The following DROSHA variants were observed in gnomAD, a reference collection of about 807,000 sequenced individuals.
The protein encoded by DROSHA is drosha ribonuclease III.
DROSHA carries 56 observed loss-of-function variants against 181.9 expected under a neutral mutation model. The ratio of observed to expected loss-of-function variants is 0.31; its 90% CI spans 0.25 to 0.38. The LOEUF (loss-of-function observed/expected upper bound fraction) is 0.38, where lower values mean the gene tolerates loss of function less well. Ranked by LOEUF, DROSHA falls within the 10% of genes least tolerant of loss-of-function variation. The pLI is 1.00. For missense variants in DROSHA, 1,218 were observed against 1,743.5 expected (o/e 0.70, Z 5.37); for synonymous variants, 524 against 591.2 (o/e 0.89, Z 1.65).
rs1739158031 is a variant in DROSHA at position 31,515,345 on chromosome 5, C to A, written c.1058+109G>T. On this transcript the variant is annotated intron_variant, in intron 7 of 35. Coordinates refer to ENST00000344624, the MANE Select transcript of DROSHA (RefSeq NM_001382508.1). ...ATACCATGCCAAATCACCGTGTGTACTTTTGTTAAACCAGTGACTCCCAAA... is the reference window on the plus strand; with the variant it reads ...ATACCATGCCAAATCACCGTGTGTAATTTTGTTAAACCAGTGACTCCCAAA... 4.3e-6 allele frequency: 5 copies of A among 1,167,242 alleles called. No homozygotes were observed. The East Asian group carries it at 1.3e-4, about 29-fold the overall frequency. 72.3% of individuals were successfully genotyped at this position (1,167,242 alleles called of 1,614,324 possible).
rs866271845 is a variant in DROSHA, at chr5:31,421,882, A to T, written c.3420-505T>A. The T allele has an allele frequency of 1.3e-3, 127 of 96,728 alleles. 2 individuals are homozygous for T. Among genetic ancestry groups the T allele is most frequent in the Middle Eastern group, 9.7e-3 (2 of 206 alleles). The allele number at this position is 96,728 out of a possible 1,614,324, so 6.0% of individuals were successfully genotyped here. Reference sequence around the variant, plus strand: ...AAACCCCATCTCTACAAAAAAAAAAAAAAAAAAAAAAAATATATATATATA... The same window carrying T: ...AAACCCCATCTCTACAAAAAAAAAATAAAAAAAAAAAAATATATATATATA... On this transcript the variant is annotated intron_variant, in intron 29 of 35. Transcript: ENST00000344624.
At position 31,470,451 on chromosome 5, in the gene DROSHA, G is replaced by A. The variant is rs550989730; in HGVS notation, c.2241+1612C>T. Among the ~76,000 whole-genome samples, 58 of 151,248 alleles carry A rather than the reference G, an allele frequency of 3.8e-4. No individual in the cohort carries two copies. Among genetic ancestry groups the A allele is most frequent in the Admixed American group, 7.9e-4 (12 of 15,194 alleles). On this transcript the variant is annotated intron_variant, in intron 17 of 35. Transcript: ENST00000344624. The surrounding 1 kb of genome is among the most constrained non-coding windows in gnomAD (Gnocchi z 4.0). ...ATTAGTTTGGTGCAAAAATAGTTGCGGTATGGCAGACCCCCGCAACTACTT... is the reference window on the plus strand; with the variant it reads ...ATTAGTTTGGTGCAAAAATAGTTGCAGTATGGCAGACCCCCGCAACTACTT...
intron 23 of DROSHA, among the ~76,000 whole-genome samples, chr5:31,441,527 C>T (rs1328015346): frequency 1.3e-5 from 2 of 152,112 alleles, no homozygotes; most frequent in Non-Finnish European, 2.9e-5. Context: ...TCAAAAGTTC[C>T]ACAGTGGAGT....
intron 26 of DROSHA, 149 bp downstream of exon 26, chr5:31,431,427 A>G: frequency 1.6e-6 from 1 of 613,724 alleles, no homozygotes; most frequent in East Asian, 2.8e-5. Context: ...TGAAATAACT[A>G]TAATATAAGG....
At chr5:31,522,456 T>A (rs545186911) in intron 5 of DROSHA, among the ~76,000 whole-genome samples, 3 of 57,234 alleles carry the variant, frequency 5.2e-5, no homozygotes, top group African/African-American at 1.2e-4. Context: ...TCTAATATAT[T>A]TTTTTTTACC....
At chr5:31,455,682 C>T (rs1232368413) in intron 20 of DROSHA, among the ~76,000 whole-genome samples, 1 of 150,682 alleles carries the variant, frequency 6.6e-6, no homozygotes. Flanking sequence ...ACTCTGTTAC[C>T]CAGTTTGGAG....
intron 10 of DROSHA, among the ~76,000 whole-genome samples, chr5:31,505,164 T>C (rs1226109300): frequency 6.6e-6 from 1 of 152,146 alleles, no homozygotes; most frequent in African/African-American, 2.4e-5. Context: ...TTTGTTTTAG[T>C]GCCACGAACT....
chr5:31,493,067 C>T lies in DROSHA; in HGVS notation c.1842+140G>A. On this transcript the variant is annotated intron_variant, in intron 13 of 35. Coordinates refer to ENST00000344624, the MANE Select transcript of DROSHA (RefSeq NM_001382508.1). ...CACCTGATGCACTGCTGCAGACTTC[C>T]TGCAGCTCATTTACAATACAGAGGG... 4.6e-6 allele frequency: 4 copies of T among 878,830 alleles called. No homozygotes were observed. The South Asian group carries it at 6.8e-5, about 15-fold the overall frequency. The allele number at this position is 878,830 out of a possible 1,614,324, so 54.4% of individuals were successfully genotyped here. A position where few individuals can be genotyped will look rare whatever the true frequency, so the allele number is the denominator to read the frequency against.
At chr5:31,418,913 A>G (rs1369754724) in intron 30 of DROSHA, among the ~76,000 whole-genome samples, 1 of 152,186 alleles carries the variant, frequency 6.6e-6, no homozygotes, top group East Asian at 1.9e-4. Context: ...GCTGGAACTC[A>G]GAAGGGAGAC....
chr5:31,403,013 C>T (rs907113443), intron 35 of DROSHA, among the ~76,000 whole-genome samples: 1 of 152,110 alleles, frequency 6.6e-6, no homozygotes, highest in African/African-American at 2.4e-5. Flanking sequence ...AAACTCCTGG[C>T]CTCCTGCCTC....
intron 5 of DROSHA, 66 bp downstream of exon 5, chr5:31,526,013 A>G (rs1174428585): frequency 3.6e-5 from 52 of 1,450,144 alleles, no homozygotes. Context: ...TTTGGTTGTC[A>G]TAAATGGAGA....
chr5:31,490,364 G>T (rs556865289), intron 13 of DROSHA, among the ~76,000 whole-genome samples: 1 of 151,486 alleles, frequency 6.6e-6, no homozygotes, highest in African/African-American at 2.4e-5. Context: ...TTATTTTTTT[G>T]TAGAGATGAG....
At chr5:31,484,232 G>C (rs11739598) in intron 15 of DROSHA, among the ~76,000 whole-genome samples, 33,973 of 151,694 alleles carry the variant, frequency 0.22, 4,184 homozygotes, top group East Asian at 0.36. Context: ...AAATTAGCCG[G>C]GCGTAGTGGT....
In DROSHA at chr5:31,526,666, C is replaced by A. The variant is rs375941240; in HGVS notation, c.267G>T (p.Ala89=). The change falls in exon 5 of 36, where the codon GCG becomes GCT. Residue 89 remains alanine, a synonymous_variant. Coordinates refer to ENST00000344624, the MANE Select transcript of DROSHA (RefSeq NM_001382508.1). ...TTGGGCAGGGGGGAAGAGGGCCTTG[C>A]GCTGACGGAGGCATGGGTGGGGGGA... ...VPFPPPMPPS[A]QGPLPPCPIR... The A allele has an allele frequency of 1.4e-6, 2 of 1,444,036 alleles. No individual in the cohort carries two copies. Among genetic ancestry groups the A allele is most frequent in the East Asian group, 2.5e-5 (1 of 40,724 alleles). The allele number at this position is 1,444,036 out of a possible 1,614,324, so 89.5% of individuals were successfully genotyped here.
chr5:31,431,504 C>G (rs1378568471), intron 26 of DROSHA, 72 bp downstream of exon 26: 2 of 1,512,882 alleles, frequency 1.3e-6, no homozygotes, highest in Non-Finnish European at 1.8e-6. Context: ...AGTTTCCACA[C>G]TAAATTTTAT....
chr5:31,407,122 A>G, intron 33 of DROSHA, 177 bp from the exon 34 acceptor site: 1 of 409,400 alleles, frequency 2.4e-6, no homozygotes, highest in Non-Finnish European at 4.3e-6. Flanking sequence ...AATCCGACAA[A>G]TATCGAGAGC....
At chr5:31,495,257 G>T in intron 12 of DROSHA, 29 bp downstream of exon 12, 1 of 1,595,382 alleles carries the variant, frequency 6.3e-7, no homozygotes, top group Non-Finnish European at 8.6e-7. Context: ...CATTTTAAAT[G>T]ATATGCATGT....
intron 24 of DROSHA, 122 bp from the exon 25 acceptor site, chr5:31,435,986 T>G: frequency 1.2e-6 from 1 of 809,768 alleles, no homozygotes; most frequent in Non-Finnish European, 1.9e-6. Context: ...TGAATCAAAC[T>G]AAAGGATCTG....
intron 11 of DROSHA, among the ~76,000 whole-genome samples, chr5:31,495,700 C>A (rs1752905716): frequency 6.6e-6 from 1 of 152,162 alleles, no homozygotes; most frequent in Non-Finnish European, 1.5e-5. Context: ...GAGGGACACC[C>A]ACTGGACTGC....
Sources: gnomAD v4.1 joint callset for allele counts (sites outside exome capture counted in the v4.1 genomes callset) on GRCh38, gnomAD v4.1.1 for gene constraint, Gnocchi (gnomAD v3.1) non-coding constraint, MANE v1.5 for transcripts, NCBI Gene and HGNC (gene_info 2026-07-23, HGNC 2026-07-21) for gene names.